Variants in IGFBP7 observed in about 807,000 individuals in gnomAD.
The protein encoded by IGFBP7 is insulin like growth factor binding protein 7, also known as insulin-like growth factor-binding protein 7.
A neutral mutation model predicts 29.4 loss-of-function variants in IGFBP7; 31 were observed. The observed-to-expected ratio is 1.05, with a 90% CI of 0.79 to 1.42. The LOEUF (loss-of-function observed/expected upper bound fraction) is 1.42, where lower values mean the gene tolerates loss of function less well. IGFBP7 is among the 40% of genes most tolerant of loss of function. IGFBP7 has a pLI of 0.00. For synonymous variants in IGFBP7, 172 were observed against 174.9 expected (o/e 0.98, Z 0.13); for missense variants, 393 against 395.5 (o/e 0.99, Z 0.05).
At chr4:57,107,795 G>A (rs1291499337) in intron 1 of IGFBP7, among the ~76,000 whole-genome samples, 1 of 152,238 alleles carries the variant, frequency 6.6e-6, no homozygotes, top group African/African-American at 2.4e-5. Context: ...GAGGTACTGA[G>A]CTGGGTGTAC....
intron 1 of IGFBP7, among the ~76,000 whole-genome samples, chr4:57,102,272 G>A (rs1725917157): frequency 6.6e-6 from 1 of 152,144 alleles, no homozygotes. Flanking sequence ...GTCTACAGTG[G>A]ACCCCGAGGG....
intron 1 of IGFBP7, among the ~76,000 whole-genome samples, chr4:57,067,637 A>C (rs1311420771): frequency 6.6e-6 from 1 of 152,210 alleles, no homozygotes; most frequent in Non-Finnish European, 1.5e-5. Context: ...ACTGTACTGC[A>C]CACTTAAAAC....
chr4:57,055,181 GGGTACT>G (rs11573103), intron 1 of IGFBP7, among the ~76,000 whole-genome samples: 11,914 of 152,150 alleles, frequency 0.078, 582 homozygotes, highest in African/African-American at 0.13. Flanking sequence ...CTCAGCCACC[GGGTACT>G]GGCCTCTAGG....
intron 4 of IGFBP7, chr4:57,032,159 G>A: frequency 1.6e-6 from 1 of 636,568 alleles, no homozygotes; most frequent in Non-Finnish European, 2.2e-6. Flanking sequence ...ATGGGAAATA[G>A]AAGCCATTCC....
intron 1 of IGFBP7, among the ~76,000 whole-genome samples, chr4:57,048,027 C>A (rs34447434): frequency 0.16 from 24,166 of 151,282 alleles, 2,120 homozygotes; most frequent in South Asian, 0.22. Flanking sequence ...AGTCACCATG[C>A]CTGGCTTCTC....
intron 1 of IGFBP7, among the ~76,000 whole-genome samples, chr4:57,106,522 G>A (rs537974670): frequency 6.6e-6 from 1 of 152,274 alleles, no homozygotes; most frequent in East Asian, 1.9e-4. Flanking sequence ...CATAAAGGAG[G>A]TTGGAGAGAA....
intron 2 of IGFBP7, among the ~76,000 whole-genome samples, chr4:57,038,022 T>G (rs1005610358): frequency 6.6e-6 from 1 of 152,204 alleles, no homozygotes; most frequent in African/African-American, 2.4e-5. Context: ...TGAAATTTTA[T>G]TGCTCCTTTA....
At chr4:57,052,591 C>T (rs11730062) in intron 1 of IGFBP7, among the ~76,000 whole-genome samples, 55,251 of 152,044 alleles carry the variant, frequency 0.36, 10,828 homozygotes, top group African/African-American at 0.51. Flanking sequence ...CCACCTGGCC[C>T]GTCCCCACCC....
chr4:57,079,183 C>T (rs951085267), intron 1 of IGFBP7, among the ~76,000 whole-genome samples: 7 of 152,090 alleles, frequency 4.6e-5, no homozygotes, highest in South Asian at 2.1e-4. Context: ...TAAACACGAT[C>T]GTTTCTTCAA....
At chr4:57,036,630 G>A (rs1277959471) in intron 2 of IGFBP7, among the ~76,000 whole-genome samples, 1 of 152,158 alleles carries the variant, frequency 6.6e-6, no homozygotes, top group Non-Finnish European at 1.5e-5. Context: ...TTGCTGAAAG[G>A]TATGGGGCTT....
chr4:57,065,966 AG>A (rs1724912676), intron 1 of IGFBP7, among the ~76,000 whole-genome samples: 2 of 152,008 alleles, frequency 1.3e-5, no homozygotes, highest in South Asian at 4.2e-4. Context: ...CCCCATCTCC[AG>A]CCCCAGCATG....
At chr4:57,080,010 C>T (rs1194886171) in intron 1 of IGFBP7, among the ~76,000 whole-genome samples, 1 of 152,178 alleles carries the variant, frequency 6.6e-6, no homozygotes, top group East Asian at 1.9e-4. Flanking sequence ...ACATGGGAAG[C>T]AGAGCCAGGA....
chr4:57,058,160 A>G (rs1257950167), intron 1 of IGFBP7, among the ~76,000 whole-genome samples: 1 of 152,202 alleles, frequency 6.6e-6, no homozygotes, highest in East Asian at 1.9e-4. Context: ...AATTCCATAA[A>G]TATTTCATAA....
chr4:57,040,714 C>A (rs1440277691), intron 2 of IGFBP7, 110 bp downstream of exon 2: 2 of 813,270 alleles, frequency 2.5e-6, no homozygotes, highest in Non-Finnish European at 4.2e-6. Flanking sequence ...CTTCACCTTG[C>A]GGGAGCCGCA....
chr4:57,105,255 T>A (rs1052279266), intron 1 of IGFBP7, among the ~76,000 whole-genome samples: 5 of 152,246 alleles, frequency 3.3e-5, no homozygotes, highest in Non-Finnish European at 7.3e-5. Flanking sequence ...ATGTACACCC[T>A]TCACAGCATG....
intron 1 of IGFBP7, among the ~76,000 whole-genome samples, chr4:57,046,918 C>A (rs561919453): frequency 1.3e-5 from 2 of 152,330 alleles, no homozygotes; most frequent in South Asian, 2.1e-4. Context: ...AATTCTCATT[C>A]AATCTCTTTA....
At chr4:57,054,039 G>T (rs936687121) in intron 1 of IGFBP7, among the ~76,000 whole-genome samples, 1 of 152,088 alleles carries the variant, frequency 6.6e-6, no homozygotes, top group South Asian at 2.1e-4. Context: ...ATGAGATCTT[G>T]TTACATTGCC....
intron 1 of IGFBP7, among the ~76,000 whole-genome samples, chr4:57,105,975 T>TGCA (rs1726022247): frequency 1.3e-5 from 2 of 150,984 alleles, no homozygotes; most frequent in Admixed American, 1.3e-4. Flanking sequence ...GGTGCTATCT[T>TGCA]GGATCACTGC....
At chr4:57,059,052 C>T (rs1724736556) in intron 1 of IGFBP7, among the ~76,000 whole-genome samples, 1 of 152,186 alleles carries the variant, frequency 6.6e-6, no homozygotes, top group African/African-American at 2.4e-5. Context: ...GAGATACCAT[C>T]TTACACCAGT....
Sources: gnomAD v4.1 joint callset for allele counts (sites outside exome capture counted in the v4.1 genomes callset) on GRCh38, gnomAD v4.1.1 for gene constraint, MANE v1.5 for transcripts, NCBI Gene and HGNC (gene_info 2026-07-23, HGNC 2026-07-21) for gene names.